MYO3B: variants seen among roughly 807,000 people sequenced by gnomAD.
MYO3B encodes myosin-IIIb.
MYO3B carries 156 observed loss-of-function variants against 174.6 expected under a neutral mutation model. The observed-to-expected ratio is 0.89, with a 90% CI of 0.78 to 1.02. The LOEUF (loss-of-function observed/expected upper bound fraction) is 1.02. MYO3B is among the 50% of genes least tolerant of loss of function. The pLI is 0.00. For synonymous variants in MYO3B, 563 were observed against 569.1 expected (o/e 0.99, Z 0.15); for missense variants, 1,632 against 1,639.4 (o/e 1.00, Z 0.08).
At chr2:170,453,515 C>T (rs1369846507) in intron 23 of MYO3B, among the ~76,000 whole-genome samples, 1 of 151,456 alleles carries the variant, frequency 6.6e-6, no homozygotes, top group African/African-American at 2.4e-5. Context: ...GTAAGAAATT[C>T]TTACCCTTTT....
At chr2:170,407,972 G>C (rs1561393) in intron 22 of MYO3B, 128 bp downstream of exon 22, 688,233 of 1,115,038 alleles carry the variant, frequency 0.62, 213,362 homozygotes, top group East Asian at 0.68. Flanking sequence ...CAGGAGTAAG[G>C]GTCTAAATTC....
At chr2:170,236,638 T>C (rs1020312763) in intron 7 of MYO3B, among the ~76,000 whole-genome samples, 1 of 152,244 alleles carries the variant, frequency 6.6e-6, no homozygotes, top group African/African-American at 2.4e-5. Context: ...GAAAGAGGTC[T>C]GTTTGGAGAG....
At chr2:170,403,707 C>T (rs902517105) in intron 19 of MYO3B, among the ~76,000 whole-genome samples, 1 of 152,140 alleles carries the variant, frequency 6.6e-6, no homozygotes, top group Non-Finnish European at 1.5e-5. Flanking sequence ...AACTCAACTT[C>T]GATGAGATAG....
At chr2:170,420,596 A>G (rs375513829) in intron 22 of MYO3B, among the ~76,000 whole-genome samples, 1 of 152,130 alleles carries the variant, frequency 6.6e-6, no homozygotes, top group Non-Finnish European at 1.5e-5. Context: ...TGAATAATGG[A>G]ACTAGCAAAT....
Position 170,405,620 on chromosome 2 carries a change from A to G in MYO3B, c.2507A>G (p.His836Arg), listed in dbSNP as rs375928109. Reference protein sequence around the residue: ...KGVELCFGIQHYAGKVLYDAS... With the variant: ...KGVELCFGIQRYAGKVLYDAS... The stretch of plus-strand genomic sequence containing the variant: ...GTGGAACTGTGCTTTGGCATTCAGC[A>G]TTATGCTGGAAAGGTGAGGCCAGTG... Residue 836 changes from histidine (H) to arginine (R), a missense_variant, in exon 21 of 35, where the codon CAT (histidine) becomes CGT (arginine). Physicochemically the swap from His to Arg is conservative, Grantham distance 29 (BLOSUM62 0). Transcript: ENST00000408978. 6.2e-6 allele frequency: 10 copies of G among 1,614,062 alleles called. No individual in the cohort carries two copies. The African/African-American group carries it at 8.0e-5, about 13-fold the overall frequency.
chr2:170,607,494 A>G (rs1386647378), intron 32 of MYO3B, among the ~76,000 whole-genome samples: 2 of 152,246 alleles, frequency 1.3e-5, no homozygotes, highest in Non-Finnish European at 2.9e-5. Context: ...CTACAAAGAC[A>G]CATACCCTTT....
At chr2:170,457,567 T>C (rs922184295) in intron 23 of MYO3B, among the ~76,000 whole-genome samples, 2 of 152,180 alleles carry the variant, frequency 1.3e-5, no homozygotes, top group African/African-American at 4.8e-5. Context: ...GGATCATCAA[T>C]ATCACTGTCT....
chr2:170,253,818 A>C (rs761823054), intron 7 of MYO3B, among the ~76,000 whole-genome samples: 1 of 147,220 alleles, frequency 6.8e-6, no homozygotes, highest in Non-Finnish European at 1.5e-5. Flanking sequence ...CAAGGTGAAG[A>C]CTGAGATTTC....
At chr2:170,404,462 T>G in intron 20 of MYO3B, 62 bp downstream of exon 20, 1 of 1,483,880 alleles carries the variant, frequency 6.7e-7, no homozygotes. Context: ...GTGTCATCAA[T>G]TGAGTGTACT....
At chr2:170,447,520 G>A (rs1683292971) in intron 23 of MYO3B, among the ~76,000 whole-genome samples, 1 of 152,216 alleles carries the variant, frequency 6.6e-6, no homozygotes. Flanking sequence ...ATTCTTTGGA[G>A]TCTATATCTG....
chr2:170,559,496 T>TG (rs776046505), intron 32 of MYO3B, among the ~76,000 whole-genome samples: 2 of 152,148 alleles, frequency 1.3e-5, no homozygotes, highest in Non-Finnish European at 2.9e-5. Context: ...AAGCCATGCC[T>TG]GGGGGATTAT....
At chr2:170,492,034 C>T (rs2106049146) in intron 25 of MYO3B, among the ~76,000 whole-genome samples, 1 of 141,904 alleles carries the variant, frequency 7.0e-6, no homozygotes, top group Admixed American at 7.3e-5. Context: ...GCCTGGGTGA[C>T]AGAGATGAGA....
At chr2:170,620,938 G>C (rs1403342956) in intron 32 of MYO3B, among the ~76,000 whole-genome samples, 2 of 152,054 alleles carry the variant, frequency 1.3e-5, no homozygotes, top group Non-Finnish European at 2.9e-5. Flanking sequence ...ACCCAGGTTA[G>C]AGTGCAGTGG....
Position 170,282,423 on chromosome 2 carries a change from G to T in MYO3B, c.749+46287G>T, listed in dbSNP as rs79960743. On this transcript the variant is annotated intron_variant, in intron 7 of 34. Transcript: ENST00000408978. Reference sequence around the variant, plus strand: ...ACATCAGTTGGCTGTAAATATGTAGGTTTACTTTGGGTTTATCTTTATTCT... The same window carrying T: ...ACATCAGTTGGCTGTAAATATGTAGTTTTACTTTGGGTTTATCTTTATTCT... Among the ~76,000 whole-genome samples the T allele has an allele frequency of 4.7e-3, 715 of 152,180 alleles. 5 individuals carry two copies. The highest frequency in any genetic ancestry group is 0.016 in the African/African-American group (679 of 41,520).
intron 7 of MYO3B, among the ~76,000 whole-genome samples, chr2:170,279,829 G>T (rs376101851): frequency 6.6e-6 from 1 of 152,102 alleles, no homozygotes; most frequent in East Asian, 1.9e-4. Context: ...GTATTCCGTG[G>T]TGTATATATA....
intron 32 of MYO3B, among the ~76,000 whole-genome samples, chr2:170,560,539 A>G (rs192942487): frequency 1.3e-5 from 2 of 152,274 alleles, no homozygotes; most frequent in Non-Finnish European, 2.9e-5. Context: ...GAAGAAATTA[A>G]TGATATCCCT....
Position 170,633,138 on chromosome 2 carries a change from T to G in MYO3B, c.3734-18490T>G, listed in dbSNP as rs532893741. ...TCATTTTATGAGGCCAGCATCATCC[T>G]GATACCAAAGCCTGGCAGAGACACA... is the stretch of plus-strand genomic sequence containing the variant. On this transcript the variant is annotated intron_variant, in intron 32 of 34. Coordinates refer to ENST00000408978, the MANE Select transcript of MYO3B (RefSeq NM_138995.5). Among the ~76,000 whole-genome samples the G allele has an allele frequency of 5.3e-5, 8 of 152,336 alleles. No homozygotes were observed. The South Asian group carries it at 1.7e-3, about 32-fold the overall frequency.
intron 25 of MYO3B, among the ~76,000 whole-genome samples, chr2:170,480,939 C>T (rs1354505697): frequency 6.6e-6 from 1 of 152,176 alleles, no homozygotes; most frequent in African/African-American, 2.4e-5. Context: ...TGAATATCAT[C>T]AGTTAACATT....
intron 28 of MYO3B, among the ~76,000 whole-genome samples, chr2:170,503,096 A>G (rs1259611963): frequency 6.6e-6 from 1 of 152,150 alleles, no homozygotes; most frequent in African/African-American, 2.4e-5. Context: ...CACGCACACA[A>G]TCTCTCATTA....
Sources: allele counts gnomAD v4.1 joint callset (sites outside exome capture counted in the v4.1 genomes callset), GRCh38; gene constraint gnomAD v4.1.1; transcripts MANE v1.5; gene names NCBI Gene and HGNC (gene_info 2026-07-23, HGNC 2026-07-21).